The following GRM1 variants were observed in gnomAD, a reference collection of about 807,000 sequenced individuals.
The protein encoded by GRM1 is glutamate metabotropic receptor 1.
In GRM1, 33 loss-of-function variants were observed where a neutral mutation model predicts 90.9. The observed-to-expected ratio is 0.36, with a 90% CI of 0.28 to 0.49. The LOEUF (loss-of-function observed/expected upper bound fraction) is 0.49. Among genes scored for constraint, GRM1 ranks in the 20% least tolerant of loss-of-function variants. GRM1 has a pLI of 0.99. For missense variants in GRM1, 1,190 were observed against 1,534.3 expected, an observed-to-expected ratio of 0.78 and a Z score of 3.75; for synonymous variants, 700 against 613.2, an observed-to-expected ratio of 1.14 and a Z score of -2.09.
chr6:146,332,469 G>A (rs955110374), intron 3 of GRM1, among the ~76,000 whole-genome samples: 10 of 152,094 alleles, frequency 6.6e-5, no homozygotes, highest in Non-Finnish European at 1.3e-4. Context: ...CCCTTTTCGT[G>A]CTTTCCACAT....
chr6:146,436,167 T>G lies in GRM1; in HGVS notation c.*1371T>G, dbSNP rs1262641843. On this transcript the variant is annotated 3_prime_UTR_variant, in exon 8 of 8. Transcript: ENST00000282753. ...TTTTTTATGTTCCAATAATGTTTTG[T>G]ACATCATTGTCATCAATATCTACAG... 1 of 152,674 alleles carries G rather than the reference T, an allele frequency of 6.5e-6. No homozygotes were observed. The highest frequency in any genetic ancestry group is 1.5e-5 in the Non-Finnish European group (1 of 68,050). 9.5% of individuals were successfully genotyped at this position (152,674 alleles called of 1,614,324 possible).
intron 1 of GRM1, among the ~76,000 whole-genome samples, chr6:146,138,136 G>T (rs1300386709): frequency 1.3e-5 from 2 of 151,546 alleles, no homozygotes; most frequent in East Asian, 1.9e-4. Flanking sequence ...TTTCAATTTG[G>T]ATGCCTTTTA....
At chr6:146,101,917 A>G (rs1351927648) in intron 1 of GRM1, among the ~76,000 whole-genome samples, 1 of 151,492 alleles carries the variant, frequency 6.6e-6, no homozygotes, top group Non-Finnish European at 1.5e-5. Flanking sequence ...CAACTTACTG[A>G]GTATCTTTTG....
intron 2 of GRM1, among the ~76,000 whole-genome samples, chr6:146,254,653 T>G (rs894010320): frequency 1.3e-5 from 2 of 152,192 alleles, no homozygotes; most frequent in African/African-American, 4.8e-5. Flanking sequence ...TCTGTTTTGT[T>G]CTATTTTATT....
At position 146,399,525 on chromosome 6, in the gene GRM1, G is replaced by T; in HGVS notation, c.2486G>T (p.Cys829Phe). Residue 829 changes from cysteine (C) to phenylalanine (F), a missense_variant, in exon 7 of 8, where the codon TGC becomes TTC. Physicochemically the swap from Cys to Phe is radical, Grantham distance 205. Transcript: ENST00000282753. The surrounding 1 kb of genome is among the most constrained non-coding windows in gnomAD (Gnocchi z 5.4). The stretch of plus-strand genomic sequence containing the variant: ...CTCAGTGTAACAGTGGCTCTGGGGT[G>T]CATGTTCACTCCCAAGATGTACATC... Reference protein sequence around the residue: ...VSLSVTVALGCMFTPKMYIII... With the variant: ...VSLSVTVALGFMFTPKMYIII... The T allele has an allele frequency of 6.2e-7, 1 of 1,614,112 alleles. No homozygotes were observed.
At chr6:146,236,715 A>T (rs1780658828) in intron 2 of GRM1, among the ~76,000 whole-genome samples, 1 of 152,052 alleles carries the variant, frequency 6.6e-6, no homozygotes, top group Non-Finnish European at 1.5e-5. Context: ...CTTAAGGATG[A>T]TGATATTTTC....
intron 3 of GRM1, among the ~76,000 whole-genome samples, chr6:146,314,324 C>T (rs1443554565): frequency 1.3e-5 from 2 of 151,734 alleles, no homozygotes; most frequent in Non-Finnish European, 2.9e-5. Flanking sequence ...AATCCACCTG[C>T]CTTGGCCTCC....
At chr6:146,322,182 C>A (rs1784212957) in intron 3 of GRM1, among the ~76,000 whole-genome samples, 1 of 152,188 alleles carries the variant, frequency 6.6e-6, no homozygotes, top group South Asian at 2.1e-4. Flanking sequence ...CTGGAGTTTG[C>A]TGCAAGTCCA....
chr6:146,397,281 T>C (rs773305146), intron 6 of GRM1, among the ~76,000 whole-genome samples: 4 of 151,852 alleles, frequency 2.6e-5, no homozygotes, highest in Non-Finnish European at 4.4e-5. Context: ...GAGAACATCC[T>C]GGCTAACACA....
chr6:146,061,676 C>CA (rs1204740967), intron 1 of GRM1, among the ~76,000 whole-genome samples: 1 of 151,650 alleles, frequency 6.6e-6, no homozygotes, highest in African/African-American at 2.4e-5. Context: ...AAACACTTCT[C>CA]AAAAAAAGAC....
At chr6:146,250,777 C>A (rs1201049647) in intron 2 of GRM1, among the ~76,000 whole-genome samples, 1 of 152,122 alleles carries the variant, frequency 6.6e-6, no homozygotes, top group Non-Finnish European at 1.5e-5. Flanking sequence ...TATTATGAAC[C>A]CCATACCTTT....
At chr6:146,288,658 A>T (rs2077384508) in intron 2 of GRM1, among the ~76,000 whole-genome samples, 1 of 152,116 alleles carries the variant, frequency 6.6e-6, no homozygotes, top group East Asian at 1.9e-4. Flanking sequence ...GGTGTCAGCC[A>T]CCATGCCCGG....
At chr6:146,425,298 T>C (rs1037474735) in intron 7 of GRM1, among the ~76,000 whole-genome samples, 3 of 152,242 alleles carry the variant, frequency 2.0e-5, no homozygotes, top group African/African-American at 7.2e-5. Flanking sequence ...CAGAGTATTC[T>C]TGTTTAAAAT....
intron 3 of GRM1, among the ~76,000 whole-genome samples, chr6:146,338,805 C>A (rs1433018515): frequency 2.0e-5 from 3 of 152,102 alleles, no homozygotes; most frequent in Non-Finnish European, 2.9e-5. Flanking sequence ...TCTGCCCTGC[C>A]CCCTCCACAC....
rs766272199 is a variant in GRM1, at chr6:146,399,642, G to C, written c.2603G>C (p.Arg868Pro). 6.2e-7 allele frequency: 1 copy of C among 1,613,988 alleles called. No homozygotes were observed. The highest frequency in any genetic ancestry group is 1.1e-5 in the South Asian group (1 of 91,060). Residue 868 changes from arginine to proline, a missense_variant, in exon 7 of 8, where the codon CGC (arginine) becomes CCC (proline). Coordinates refer to ENST00000282753, the MANE Select transcript of GRM1 (RefSeq NM_001278064.2). The surrounding 1 kb of genome is among the most constrained non-coding windows in gnomAD (Gnocchi z 5.4). ...MHVGDGKLPC[R>P]SNTFLNIFRR... The stretch of plus-strand genomic sequence containing the variant: ...GTTGGCGATGGCAAGCTGCCCTGCC[G>C]CTCCAACACTTTCCTCAACATCTTC...
intron 2 of GRM1, among the ~76,000 whole-genome samples, chr6:146,271,426 G>A (rs1782159810): frequency 6.6e-6 from 1 of 152,156 alleles, no homozygotes; most frequent in South Asian, 2.1e-4. Context: ...GCTCAGGAAA[G>A]AGACTTGTTA....
At chr6:146,378,598 T>G (rs567329201) in intron 5 of GRM1, among the ~76,000 whole-genome samples, 3 of 152,236 alleles carry the variant, frequency 2.0e-5, no homozygotes, top group Non-Finnish European at 4.4e-5. Flanking sequence ...TTTACCCAAT[T>G]CCTGTACCCT....
Position 146,282,714 on chromosome 6 carries a change from A to G in GRM1, c.951-21897A>G, listed in dbSNP as rs557224972. Among the ~76,000 whole-genome samples the G allele has an allele frequency of 3.3e-5, 5 of 152,316 alleles. No individual in the cohort carries two copies. The East Asian group carries it at 7.7e-4, about 23-fold the overall frequency. The stretch of plus-strand genomic sequence containing the variant: ...AGAAAAATATTATTTATTTCTTTCT[A>G]CAGATGGTCAGAAAACTAGAACTAG... On this transcript the variant is annotated intron_variant, in intron 2 of 7. Transcript: ENST00000282753.
At position 146,120,276 on chromosome 6, in the gene GRM1, C is replaced by T. The variant is rs144433531; in HGVS notation, c.701-39072C>T. ...TGTATAAGAATGCTTGTGATTTTTC[C>T]ACATTGATTTTGTATCCTGAGACTT... On this transcript the variant is annotated intron_variant, in intron 1 of 7. Transcript: ENST00000282753. Among the ~76,000 whole-genome samples the T allele has an allele frequency of 3.2e-3, 487 of 152,224 alleles. 7 individuals are homozygous for T. The highest frequency in any genetic ancestry group is 9.6e-3 in the Admixed American group (147 of 15,280).
Sources: gnomAD v4.1 joint callset for allele counts (sites outside exome capture counted in the v4.1 genomes callset) on GRCh38, gnomAD v4.1.1 for gene constraint, Gnocchi (gnomAD v3.1) non-coding constraint, MANE v1.5 for transcripts, NCBI Gene and HGNC (gene_info 2026-07-23, HGNC 2026-07-21) for gene names.